GNB1: variants seen among roughly 807,000 people sequenced by gnomAD.
The protein encoded by GNB1 is guanine nucleotide-binding protein G(I)/G(S)/G(T) subunit beta-1.
Under a neutral mutation model 42.9 loss-of-function variants are expected in GNB1, and 2 were observed. That is an observed-to-expected ratio of 0.05 (90% confidence interval 0.02 to 0.15). The LOEUF (loss-of-function observed/expected upper bound fraction) is 0.15, where lower values mean the gene tolerates loss of function less well. Ranked by LOEUF, GNB1 falls within the 10% of genes least tolerant of loss-of-function variation. The pLI is 1.00. For missense variants in GNB1, 193 were observed against 462.2 expected (o/e 0.42, Z 5.34); for synonymous variants, 183 against 174.7 (o/e 1.05, Z -0.38).
chr1:1,789,781 A>C (rs780324208), intron 9 of GNB1, among the ~76,000 whole-genome samples: 5 of 152,108 alleles, frequency 3.3e-5, no homozygotes, highest in African/African-American at 9.7e-5. Flanking sequence ...GAGGCACACA[A>C]ACACTGTGAT....
Position 1,833,755 on chromosome 1 carries a change from G to A in GNB1, c.-47+5435C>T, listed in dbSNP as rs1647107662. Reference sequence around the variant, plus strand: ...ACCTTGCTAATGGGCCAACATTTGAGCAGCAGGCAGATGGGCAAAAATAAC... The same window carrying A: ...ACCTTGCTAATGGGCCAACATTTGAACAGCAGGCAGATGGGCAAAAATAAC... On this transcript the variant is annotated intron_variant, in intron 2 of 11. Transcript: ENST00000378609. 2.6e-5 allele frequency among the ~76,000 whole-genome samples: 4 copies of A among 152,186 alleles called. No homozygotes were observed. The South Asian group carries it at 8.3e-4, about 32-fold the overall frequency.
rs558674116 is a variant in GNB1 at position 1,865,020 on chromosome 1, T to C, written c.-95-25782A>G. Among the ~76,000 whole-genome samples, 3 of 151,990 alleles carry C rather than the reference T, an allele frequency of 2.0e-5. No individual in the cohort carries two copies. The East Asian group carries it at 5.8e-4, about 29-fold the overall frequency. ...GCTCATGCCTGTAATCCCAGCACTT[T>C]GGGAGGCTGAGGCGGGCAGATCACA... On this transcript the variant is annotated intron_variant, in intron 1 of 11. Transcript: ENST00000378609.
chr1:1,861,939 GC>G (rs1292711708), intron 1 of GNB1, among the ~76,000 whole-genome samples: 1 of 152,110 alleles, frequency 6.6e-6, no homozygotes. Context: ...AGTGGCTCAC[GC>G]CTGTAATCCC....
intron 8 of GNB1, among the ~76,000 whole-genome samples, chr1:1,791,063 A>G (rs748354169): frequency 2.6e-5 from 4 of 152,076 alleles, no homozygotes; most frequent in Admixed American, 1.3e-4. Flanking sequence ...CAGGCAGGAG[A>G]AGGCCAATGC....
chr1:1,845,432 G>GCA (rs1178428087), intron 1 of GNB1, among the ~76,000 whole-genome samples: 6 of 152,108 alleles, frequency 3.9e-5, no homozygotes, highest in African/African-American at 1.4e-4. Context: ...AATTAGCCAG[G>GCA]TGGGATGGCG....
rs545399332 is a variant in GNB1, at chr1:1,876,381, G to A, written c.-96+14439C>T. Among the ~76,000 whole-genome samples, 9 of 152,096 alleles carry A rather than the reference G, an allele frequency of 5.9e-5. No individual in the cohort carries two copies. In the South Asian group the frequency reaches 1.7e-3, roughly 28 times the overall value. ...GGTCACTGCAGCCTCGAACTCCTGG[G>A]TTCAAGCAATCCTCCCACCTTAGCC... On this transcript the variant is annotated intron_variant, in intron 1 of 11. Coordinates refer to ENST00000378609, the MANE Select transcript of GNB1 (RefSeq NM_002074.5).
In GNB1 at chr1:1,787,222, C is replaced by T. The variant is rs1646418475; in HGVS notation, c.*9+100G>A. On this transcript the variant is annotated intron_variant, in intron 11 of 11. Transcript: ENST00000378609. This position sits in a 1 kb window ranked among gnomAD's most constrained non-coding sequence, Gnocchi z 4.4. ...ACAACACAATTCCAAATCAATGCTA[C>T]ATCAACATTTATCTAGAAACCGTTA... The T allele has an allele frequency of 1.4e-6, 1 of 716,866 alleles. No homozygotes were observed. Among genetic ancestry groups the T allele is most frequent in the African/African-American group, 1.8e-5 (1 of 56,404 alleles). 44.4% of individuals were successfully genotyped at this position (716,866 alleles called of 1,614,324 possible).
chr1:1,814,293 C>T (rs189790004), intron 5 of GNB1, among the ~76,000 whole-genome samples: 2 of 152,248 alleles, frequency 1.3e-5, no homozygotes, highest in African/African-American at 2.4e-5. Context: ...CAACGGAATA[C>T]AAAGAAATAC....
intron 5 of GNB1, among the ~76,000 whole-genome samples, chr1:1,811,635 G>A (rs1378407164): frequency 6.6e-6 from 1 of 151,774 alleles, no homozygotes; most frequent in African/African-American, 2.4e-5. Flanking sequence ...GGCAGAGCTT[G>A]CAGTGAGCTA....
intron 6 of GNB1, among the ~76,000 whole-genome samples, chr1:1,805,851 AG>A (rs1462034089): frequency 6.6e-6 from 1 of 152,188 alleles, no homozygotes; most frequent in East Asian, 1.9e-4. Context: ...CGAAAACAAA[AG>A]ATTTTTATGG....
intron 2 of GNB1, chr1:1,832,412 C>T (rs2101070820): frequency 6.6e-6 from 1 of 152,228 alleles, no homozygotes; most frequent in South Asian, 2.1e-4. Context: ...TCTGCTAAGG[C>T]CTCATGTCTA....
At chr1:1,833,863 A>T (rs1359135840) in intron 2 of GNB1, among the ~76,000 whole-genome samples, 2 of 152,296 alleles carry the variant, frequency 1.3e-5, no homozygotes, top group Middle Eastern at 3.4e-3. Flanking sequence ...CTGTGCCTAT[A>T]AAGTAATCTT....
chr1:1,888,537 T>C (rs1211779415), intron 1 of GNB1, among the ~76,000 whole-genome samples: 1 of 152,090 alleles, frequency 6.6e-6, no homozygotes, highest in Non-Finnish European at 1.5e-5. Context: ...CTCTAATCGT[T>C]AGAAAGTTCT....
At chr1:1,808,342 CTG>C (rs1646730319) in intron 5 of GNB1, among the ~76,000 whole-genome samples, 1 of 152,116 alleles carries the variant, frequency 6.6e-6, no homozygotes, top group African/African-American at 2.4e-5. Context: ...GCTCTGGCAA[CTG>C]TGCTCAGTTC....
At chr1:1,825,363 T>C (rs1317031728) in intron 3 of GNB1, 34 bp downstream of exon 3, 4 of 1,490,008 alleles carry the variant, frequency 2.7e-6, no homozygotes, top group Non-Finnish European at 3.7e-6. Context: ...GAAACTCAAA[T>C]GATTAATAAA....
Position 1,825,444 on chromosome 1 carries a change from G to A in GNB1, c.10C>T (p.Leu4Phe). The A allele has an allele frequency of 6.2e-7, 1 of 1,611,558 alleles. No individual in the cohort carries two copies. The highest frequency in any genetic ancestry group is 8.5e-7 in the Non-Finnish European group (1 of 1,177,632). MSE[L>F]DQLRQEAEQL... is the part of the protein sequence containing the mutation. Reference sequence around the variant, plus strand: ...TCGGCCTCCTGCCGTAACTGGTCAAGCTCACTCATCTTCCGATCTTAGTGC... The same window carrying A: ...TCGGCCTCCTGCCGTAACTGGTCAAACTCACTCATCTTCCGATCTTAGTGC... Residue 4 changes from leucine to phenylalanine, a missense_variant, in exon 3 of 12, where the codon CTT becomes TTT. By Grantham distance (22) the Leu-to-Phe change is conservative. Coordinates refer to ENST00000378609, the MANE Select transcript of GNB1 (RefSeq NM_002074.5).
chr1:1,822,880 AAAAC>A (rs1267376842), intron 3 of GNB1, among the ~76,000 whole-genome samples: 2 of 152,182 alleles, frequency 1.3e-5, no homozygotes, highest in South Asian at 2.1e-4. Context: ...AGCTGTCAGA[AAAAC>A]AAAATTTCTT....
chr1:1,890,554 C>G (rs1483440845), intron 1 of GNB1, among the ~76,000 whole-genome samples: 1 of 148,824 alleles, frequency 6.7e-6, no homozygotes, highest in East Asian at 2.0e-4. Context: ...CACACAACCC[C>G]GCACCCCGGT....
At chr1:1,813,471 T>C (rs1646810369) in intron 5 of GNB1, among the ~76,000 whole-genome samples, 1 of 152,100 alleles carries the variant, frequency 6.6e-6, no homozygotes. Flanking sequence ...ATTCACAAAG[T>C]ATATTCTTAC....
Sources: allele counts gnomAD v4.1 joint callset (sites outside exome capture counted in the v4.1 genomes callset), GRCh38; gene constraint gnomAD v4.1.1; non-coding constraint Gnocchi (gnomAD v3.1); transcripts MANE v1.5; gene names NCBI Gene and HGNC (gene_info 2026-07-23, HGNC 2026-07-21).